The following MIPOL1 variants were observed in gnomAD, a reference collection of about 807,000 sequenced individuals.
The protein encoded by MIPOL1 is mirror-image polydactyly 1, also known as mirror-image polydactyly gene 1 protein.
Under a neutral mutation model 60.9 loss-of-function variants are expected in MIPOL1, and 57 were observed. The observed-to-expected ratio is 0.94, with a 90% confidence interval of 0.76 to 1.17. The LOEUF (loss-of-function observed/expected upper bound fraction) is 1.17, where lower values mean the gene tolerates loss of function less well. MIPOL1 is among the 50% of genes most tolerant of loss of function. MIPOL1 has a pLI of 0.00. For synonymous variants in MIPOL1, 179 were observed against 168.8 expected (o/e 1.06, Z -0.47); for missense variants, 551 against 511.6 (o/e 1.08, Z -0.74).
intron 1 of MIPOL1, among the ~76,000 whole-genome samples, chr14:37,238,688 C>CGA (rs1224828843): frequency 6.6e-6 from 1 of 151,744 alleles, no homozygotes; most frequent in African/African-American, 2.4e-5. Flanking sequence ...CAGTGGCTCA[C>CGA]GCCTGTAATC....
intron 12 of MIPOL1, among the ~76,000 whole-genome samples, chr14:37,544,450 A>G (rs1213967350): frequency 6.6e-6 from 1 of 152,170 alleles, no homozygotes; most frequent in Non-Finnish European, 1.5e-5. Context: ...TTCCTGTTTC[A>G]TGAAGCTGTT....
chr14:37,263,341 C>G (rs924698513), intron 3 of MIPOL1, among the ~76,000 whole-genome samples: 2 of 152,290 alleles, frequency 1.3e-5, no homozygotes, highest in Non-Finnish European at 2.9e-5. Context: ...CTGGTCTATG[C>G]AGATGTATTA....
At chr14:37,394,451 C>A (rs1355354005) in intron 10 of MIPOL1, among the ~76,000 whole-genome samples, 2 of 152,010 alleles carry the variant, frequency 1.3e-5, no homozygotes, top group Admixed American at 1.3e-4. Flanking sequence ...TGAATTATGG[C>A]TATTCTTGCA....
intron 11 of MIPOL1, among the ~76,000 whole-genome samples, chr14:37,447,333 G>A (rs2094352999): frequency 1.3e-5 from 2 of 152,046 alleles, no homozygotes; most frequent in South Asian, 4.1e-4. Flanking sequence ...CTATCTGGCT[G>A]ATAGTAGGTG....
chr14:37,210,067 GTA>G (rs1489271850), intron 1 of MIPOL1, among the ~76,000 whole-genome samples: 6 of 151,922 alleles, frequency 3.9e-5, no homozygotes, highest in African/African-American at 9.7e-5. Flanking sequence ...TATCTTGTAT[GTA>G]TGTGTTTTTG....
intron 1 of MIPOL1, among the ~76,000 whole-genome samples, chr14:37,218,780 A>G (rs1175445677): frequency 6.6e-6 from 1 of 151,984 alleles, no homozygotes; most frequent in Non-Finnish European, 1.5e-5. Context: ...CTATAAAAAA[A>G]TAGAAAAATT....
At chr14:37,269,185 C>T (rs2083100305) in intron 5 of MIPOL1, among the ~76,000 whole-genome samples, 1 of 151,784 alleles carries the variant, frequency 6.6e-6, no homozygotes, top group South Asian at 2.1e-4. Flanking sequence ...TATATTTGAC[C>T]TCAATAATAC....
chr14:37,479,643 A>G (rs2094831281), intron 11 of MIPOL1, among the ~76,000 whole-genome samples: 1 of 152,132 alleles, frequency 6.6e-6, no homozygotes, highest in South Asian at 2.1e-4. Flanking sequence ...GGAAAAGAAT[A>G]ACAAACTAAG....
At chr14:37,411,690 T>C (rs1179634427) in intron 10 of MIPOL1, among the ~76,000 whole-genome samples, 1 of 152,218 alleles carries the variant, frequency 6.6e-6, no homozygotes. Flanking sequence ...ATAGCAGTTG[T>C]TTCTTGTCCT....
rs868311476 is a variant in MIPOL1, at chr14:37,325,219, G to A, written c.828+16700G>A. On this transcript the variant is annotated intron_variant, in intron 9 of 12. Transcript: ENST00000684589. The stretch of plus-strand genomic sequence containing the variant: ...ACAATCTGCTCCAAATTAATAATGC[G>A]CTACATGGTTTAAATTGTAATAATC... Among the ~76,000 whole-genome samples, 24 of 151,974 alleles carry A rather than the reference G, an allele frequency of 1.6e-4. No individual in the cohort carries two copies. The Middle Eastern group carries it at 0.014, about 86-fold the overall frequency.
At chr14:37,481,010 A>C (rs1208641108) in intron 11 of MIPOL1, among the ~76,000 whole-genome samples, 1 of 152,146 alleles carries the variant, frequency 6.6e-6, no homozygotes, top group Non-Finnish European at 1.5e-5. Context: ...GCATGTTGGC[A>C]CATGCCTGTA....
intron 12 of MIPOL1, among the ~76,000 whole-genome samples, chr14:37,543,475 C>A (rs946281641): frequency 6.6e-6 from 1 of 152,056 alleles, no homozygotes; most frequent in Non-Finnish European, 1.5e-5. Context: ...CAGGGTCTCA[C>A]CATGTTGGCC....
chr14:37,216,271 C>G (rs1390278869), intron 1 of MIPOL1, among the ~76,000 whole-genome samples: 1 of 152,106 alleles, frequency 6.6e-6, no homozygotes, highest in Non-Finnish European at 1.5e-5. Flanking sequence ...CACTGGAGCA[C>G]TCAGATATAT....
chr14:37,450,164 C>T (rs1433721706), intron 11 of MIPOL1, among the ~76,000 whole-genome samples: 1 of 151,994 alleles, frequency 6.6e-6, no homozygotes, highest in Non-Finnish European at 1.5e-5. Context: ...TCTTCCCATC[C>T]TGTCACTCTT....
intron 10 of MIPOL1, among the ~76,000 whole-genome samples, chr14:37,392,038 T>C (rs983611079): frequency 3.3e-5 from 5 of 152,160 alleles, no homozygotes; most frequent in Non-Finnish European, 5.9e-5. Flanking sequence ...GACTAAATGT[T>C]CCAATTACTC....
Position 37,481,779 on chromosome 14 carries a change from C to T in MIPOL1, c.1032-18129C>T, listed in dbSNP as rs111782535. The stretch of plus-strand genomic sequence containing the variant: ...ACAGAATAGAGAGCCCAGAAATGAA[C>T]GCTCATATATATCATCAATTGATTT... On this transcript the variant is annotated intron_variant, in intron 11 of 12. Transcript: ENST00000684589. Among the ~76,000 whole-genome samples, 30 of 152,078 alleles carry T rather than the reference C, an allele frequency of 2.0e-4. 1 individual carries two copies. Among genetic ancestry groups the T allele is most frequent in the South Asian group, 4.1e-4 (2 of 4,824 alleles).
intron 9 of MIPOL1, among the ~76,000 whole-genome samples, chr14:37,346,620 A>T (rs1377602845): frequency 6.6e-6 from 1 of 152,198 alleles, no homozygotes; most frequent in Non-Finnish European, 1.5e-5. Flanking sequence ...CATGAGGATT[A>T]AAAATTGAGA....
rs535978128 is a variant in MIPOL1 at position 37,451,808 on chromosome 14, C to CTTTTTTTTTTTTTTTTT, written c.1031+28867_1031+28883dup. On this transcript the variant is annotated intron_variant, in intron 11 of 12. Coordinates refer to ENST00000684589, the MANE Select transcript of MIPOL1 (RefSeq NM_001388067.1). ...CTTAAGGTTCTTTTGTTTATTCTCT[C>CTTTTTTTTTTTTTTTTT]TTTTTTTTTTTTTTTTTTTTTTTTG... is the stretch of plus-strand genomic sequence containing the variant. Among the ~76,000 whole-genome samples, 24 of 84,562 alleles carry CTTTTTTTTTTTTTTTTT rather than the reference C, an allele frequency of 2.8e-4. 1 individual carries two copies. Among genetic ancestry groups the CTTTTTTTTTTTTTTTTT allele is most frequent in the African/African-American group, 1.5e-3 (23 of 15,744 alleles). The allele number at this position is 84,562 out of a possible 152,430, so 55.5% of individuals were successfully genotyped here. A position where few individuals can be genotyped will look rare whatever the true frequency, so the allele number is the denominator to read the frequency against.
At chr14:37,349,333 T>C (rs1014611703) in intron 9 of MIPOL1, among the ~76,000 whole-genome samples, 1 of 152,080 alleles carries the variant, frequency 6.6e-6, no homozygotes, top group Non-Finnish European at 1.5e-5. Context: ...TACAGTAATG[T>C]CAAACAAATT....
Sources: allele counts gnomAD v4.1 joint callset (sites outside exome capture counted in the v4.1 genomes callset), GRCh38; gene constraint gnomAD v4.1.1; transcripts MANE v1.5; gene names NCBI Gene and HGNC (gene_info 2026-07-23, HGNC 2026-07-21).